SLC4A1AP: variants seen among roughly 807,000 people sequenced by gnomAD.
SLC4A1AP encodes solute carrier family 4 member 1 adaptor protein.
A neutral mutation model predicts 89.7 loss-of-function variants in SLC4A1AP; 64 were observed. The observed-to-expected ratio is 0.71, with a 90% confidence interval of 0.58 to 0.88. The LOEUF is 0.88. Among genes scored for constraint, SLC4A1AP ranks in the 40% least tolerant of loss-of-function variants. SLC4A1AP has a pLI of 0.00. For synonymous variants in SLC4A1AP, 366 were observed against 353.3 expected (o/e 1.04, Z -0.40); for missense variants, 931 against 965.0 (o/e 0.96, Z 0.47).
Position 27,685,183 on chromosome 2 carries a change from C to G in SLC4A1AP, c.2022C>G (p.Leu674=), listed in dbSNP as rs909686279. 2.5e-6 allele frequency: 4 copies of G among 1,614,056 alleles called. No individual in the cohort carries two copies. The East Asian group carries it at 8.9e-5, about 36-fold the overall frequency. ...AGAAAAAACTGGAGGATGGAAGCCT[C>G]AGTAGGCCACAGCCAGAGATAGAGC... Residue 674 remains leucine (L), a synonymous_variant, in exon 10 of 14, where the codon CTC becomes CTG. Transcript: ENST00000613058.
At chr2:27,688,749 A>G in exon 12 of SLC4A1AP, 1 of 1,605,990 alleles carries the variant, frequency 6.2e-7, no homozygotes, top group Non-Finnish European at 8.5e-7. Flanking sequence ...AGAAAAAGAA[A>G]ACACCTGGTC....
At chr2:27,674,911 C>T (rs1572991733) in intron 5 of SLC4A1AP, among the ~76,000 whole-genome samples, 1 of 152,212 alleles carries the variant, frequency 6.6e-6, no homozygotes, top group East Asian at 1.9e-4. Context: ...GGGGTTTCAC[C>T]ATGTTGGTGA....
At chr2:27,687,936 A>G in exon 11 of SLC4A1AP, 37 of 1,611,632 alleles carry the variant, frequency 2.3e-5, no homozygotes, top group Non-Finnish European at 3.1e-5. Context: ...TTTTATAGAA[A>G]ACATGTCTCA....
chr2:27,694,558 C>A, intron 13 of SLC4A1AP, 76 bp from the exon 14 acceptor site: 1 of 1,125,178 alleles, frequency 8.9e-7, no homozygotes, highest in Non-Finnish European at 1.2e-6. Flanking sequence ...TTTTGGCCTA[C>A]TGATATCTGG....
chr2:27,672,751 A>G (rs1675446915), intron 5 of SLC4A1AP, among the ~76,000 whole-genome samples: 1 of 152,138 alleles, frequency 6.6e-6, no homozygotes, highest in Non-Finnish European at 1.5e-5. Flanking sequence ...GAGCAGTACT[A>G]TTGAATGATG....
chr2:27,680,299 T>C (rs1310128732), intron 8 of SLC4A1AP, among the ~76,000 whole-genome samples: 1 of 152,190 alleles, frequency 6.6e-6, no homozygotes, highest in Non-Finnish European at 1.5e-5. Flanking sequence ...TGCTTTATAC[T>C]TGAGTTTTGA....
intron 3 of SLC4A1AP, among the ~76,000 whole-genome samples, chr2:27,668,153 CTT>C (rs397957441): frequency 2.1e-5 from 3 of 144,596 alleles, no homozygotes; most frequent in African/African-American, 2.5e-5. Flanking sequence ...GGAACTTGTT[CTT>C]TTTTTTTTTT....
chr2:27,684,867 A>G (rs1407290480), intron 9 of SLC4A1AP, among the ~76,000 whole-genome samples, 170 bp from the exon 10 acceptor site: 1 of 152,224 alleles, frequency 6.6e-6, no homozygotes, highest in South Asian at 2.1e-4. Flanking sequence ...TTTAGGGTCT[A>G]TAGAGGGGTA....
At chr2:27,667,045 A>G (rs1245587466) in intron 2 of SLC4A1AP, among the ~76,000 whole-genome samples, 2 of 151,156 alleles carry the variant, frequency 1.3e-5, no homozygotes, top group Non-Finnish European at 3.0e-5. Context: ...TTTTTTTTGT[A>G]TTTTTAGTAG....
At chr2:27,668,521 C>T in intron 3 of SLC4A1AP, 2 of 480,972 alleles carry the variant, frequency 4.2e-6, no homozygotes, top group South Asian at 1.7e-5. Context: ...GCAATCTTGG[C>T]TCACTGCAAC....
At position 27,677,286 on chromosome 2, in the gene SLC4A1AP, G is replaced by T; in HGVS notation, c.1507-9G>T. 6.3e-7 allele frequency: 1 copy of T among 1,592,234 alleles called. No individual in the cohort carries two copies. Among genetic ancestry groups the T allele is most frequent in the Non-Finnish European group, 8.6e-7 (1 of 1,160,316 alleles). ...AAACTTTGTAACCCTGTTGATTTGGGTGTTACAGGTTGCAAAATTAAATGA... is the reference window on the plus strand; with the variant it reads ...AAACTTTGTAACCCTGTTGATTTGGTTGTTACAGGTTGCAAAATTAAATGA... On this transcript the variant is annotated splice_polypyrimidine_tract_variant and intron_variant, in intron 6 of 13. Transcript: ENST00000613058.
chr2:27,668,401 C>T (rs930102181), intron 3 of SLC4A1AP, among the ~76,000 whole-genome samples: 11 of 152,200 alleles, frequency 7.2e-5, no homozygotes, highest in African/African-American at 2.2e-4. Flanking sequence ...CCTCCCATCT[C>T]GGCCATCCAA....
chr2:27,688,785 C>T lies in SLC4A1AP; in HGVS notation c.2271+18C>T. The T allele has an allele frequency of 6.3e-7, 1 of 1,579,132 alleles. No individual in the cohort carries two copies. Among genetic ancestry groups the T allele is most frequent in the Non-Finnish European group, 8.6e-7 (1 of 1,162,510 alleles). The stretch of plus-strand genomic sequence containing the variant: ...CAGGCAAAGTAAGTATTTCACTTGT[C>T]TGGGAGTAAAAATGAATCCCTTTGT... On this transcript the variant is annotated intron_variant, in intron 12 of 13. Coordinates refer to ENST00000613058, the Ensembl canonical transcript of SLC4A1AP.
chr2:27,671,587 C>T (rs1199439160), intron 5 of SLC4A1AP, among the ~76,000 whole-genome samples: 1 of 152,240 alleles, frequency 6.6e-6, no homozygotes, highest in Non-Finnish European at 1.5e-5. Context: ...AGATCTGCTA[C>T]AGAACTGTCA....
intron 7 of SLC4A1AP, among the ~76,000 whole-genome samples, 185 bp from the exon 8 acceptor site, chr2:27,677,553 G>A (rs927310710): frequency 1.3e-5 from 2 of 152,178 alleles, no homozygotes; most frequent in African/African-American, 4.8e-5. Context: ...TTGTTGAGGG[G>A]AATGAAGCAC....
chr2:27,676,472 T>G (rs1342428657), intron 6 of SLC4A1AP, among the ~76,000 whole-genome samples: 1 of 152,204 alleles, frequency 6.6e-6, no homozygotes, highest in Admixed American at 6.5e-5. Flanking sequence ...TCATTCTGTT[T>G]AATTCTGTGT....
At chr2:27,689,254 T>A (rs1433170021) in intron 12 of SLC4A1AP, among the ~76,000 whole-genome samples, 2 of 152,146 alleles carry the variant, frequency 1.3e-5, no homozygotes, top group Non-Finnish European at 2.9e-5. Context: ...TTTATTACAA[T>A]AATACTATAA....
chr2:27,677,466 G>T, intron 7 of SLC4A1AP, 102 bp downstream of exon 7: 1 of 811,686 alleles, frequency 1.2e-6, no homozygotes, highest in Non-Finnish European at 2.0e-6. Context: ...AGAATATGGA[G>T]CCTTTTAAAG....
At chr2:27,682,153 T>C (rs1034582181) in intron 8 of SLC4A1AP, 95 bp from the exon 9 acceptor site, 2 of 739,172 alleles carry the variant, frequency 2.7e-6, no homozygotes, top group African/African-American at 3.6e-5. Flanking sequence ...GTAATTTTTA[T>C]TTTGCCAGAG....
Sources: gnomAD v4.1 joint callset for allele counts (sites outside exome capture counted in the v4.1 genomes callset) on GRCh38, gnomAD v4.1.1 for gene constraint, MANE v1.5 for transcripts, NCBI Gene and HGNC (gene_info 2026-07-23, HGNC 2026-07-21) for gene names.